Variants in C19orf44 observed in about 807,000 individuals in gnomAD.
C19orf44 encodes the protein chromosome 19 open reading frame 44, also known as uncharacterized protein C19orf44.
Under a neutral mutation model 50.7 loss-of-function variants are expected in C19orf44, and 43 were observed. The observed-to-expected ratio is 0.85, with a 90% CI of 0.66 to 1.09. The LOEUF is 1.09. C19orf44 is among the 50% of genes least tolerant of loss of function. The pLI is 0.00. For synonymous variants in C19orf44, 298 were observed against 334.7 expected, an observed-to-expected ratio of 0.89 and a Z score of 1.20; for missense variants, 722 against 836.2, an observed-to-expected ratio of 0.86 and a Z score of 1.68.
chr19:16,517,481 A>G, intron 8 of C19orf44, 140 bp downstream of exon 8: 2 of 658,834 alleles, frequency 3.0e-6, no homozygotes, highest in South Asian at 3.8e-5. Flanking sequence ...TCCAGGTGTG[A>G]CATTCCATGG....
At chr19:16,511,531 TG>T (rs1327925841) in intron 5 of C19orf44, among the ~76,000 whole-genome samples, 2 of 152,282 alleles carry the variant, frequency 1.3e-5, no homozygotes, top group Non-Finnish European at 2.9e-5. Context: ...CGGCTCTTGC[TG>T]GTGGAAAGGC....
In C19orf44 at chr19:16,501,212, C is replaced by G; in HGVS notation, c.420C>G (p.Leu140=). 1 of 1,614,092 alleles carries G rather than the reference C, an allele frequency of 6.2e-7. No homozygotes were observed. Among genetic ancestry groups the G allele is most frequent in the Non-Finnish European group, 8.5e-7 (1 of 1,179,996 alleles). Residue 140 remains leucine, a synonymous_variant, in exon 2 of 9, where the codon CTC becomes CTG. Coordinates refer to ENST00000221671, the MANE Select transcript of C19orf44 (RefSeq NM_032207.4). ...RADRILSGGA[L]ELASQNTDKT... is the part of the protein sequence containing the mutation. ...ACAGAATCCTCTCTGGGGGTGCACTCGAACTCGCGTCCCAGAACACAGACA... is the reference window on the plus strand; with the variant it reads ...ACAGAATCCTCTCTGGGGGTGCACTGGAACTCGCGTCCCAGAACACAGACA...
At position 16,503,339 on chromosome 19, in the gene C19orf44, TG is replaced by T. The variant is rs755744269; in HGVS notation, c.1036del (p.Asp346ThrfsTer17). ...SSPGRSEAET[V>X]DEPVSEGADD... ...CCGGGAAGGAGTGAGGCTGAGACTG[TG>T]GACGAGCCAGTCTCAGAAGGTGCTG... On this transcript the variant is annotated frameshift_variant, in exon 3 of 9. Coordinates refer to ENST00000221671, the MANE Select transcript of C19orf44 (RefSeq NM_032207.4). LOFTEE classifies it high-confidence loss of function. The T allele has an allele frequency of 6.3e-7, 1 of 1,595,434 alleles. No individual in the cohort carries two copies. Among genetic ancestry groups the T allele is most frequent in the East Asian group, 2.3e-5 (1 of 43,842 alleles).
chr19:16,500,705 G>C, intron 1 of C19orf44, 87 bp from the exon 2 acceptor site: 1 of 1,328,510 alleles, frequency 7.5e-7, no homozygotes, highest in Non-Finnish European at 1.0e-6. Context: ...GCAAAAGACA[G>C]TGTGAGCTTT....
Position 16,521,226 on chromosome 19 carries a change from G to C in C19orf44, c.*1173G>C. 1.7e-6 allele frequency: 1 copy of C among 574,048 alleles called. No homozygotes were observed. The allele number at this position is 574,048 out of a possible 1,614,324, so 35.6% of individuals were successfully genotyped here. ...ACAGGCCTGCAGCCCAGCACAGGAA[G>C]GAGGGGTGACCACTGGGAAGGGTGG... is the stretch of plus-strand genomic sequence containing the variant. On this transcript the variant is annotated 3_prime_UTR_variant, in exon 9 of 9. Transcript: ENST00000221671.
chr19:16,506,804 C>T (rs748363392), intron 4 of C19orf44, 30 bp downstream of exon 4: 10 of 1,503,164 alleles, frequency 6.7e-6, no homozygotes, highest in African/African-American at 1.4e-5. Context: ...TTTTCATGGT[C>T]GATTGTTTTT....
In C19orf44 at chr19:16,503,137, C is replaced by T. The variant is rs1471914034; in HGVS notation, c.832C>T (p.His278Tyr). Residue 278 changes from histidine to tyrosine, a missense_variant, in exon 3 of 9, where the codon CAC (histidine) becomes TAC (tyrosine). His to Tyr is a moderately conservative substitution (Grantham distance 83, BLOSUM62 2). Transcript: ENST00000221671. ...LSSAKPSQTS[H>Y]LPTSLAADRT... ...CAGCGCAAAGCCTTCTCAGACATCACACCTGCCAACCTCCCTGGCAGCAGA... is the reference window on the plus strand; with the variant it reads ...CAGCGCAAAGCCTTCTCAGACATCATACCTGCCAACCTCCCTGGCAGCAGA... The T allele has an allele frequency of 1.2e-6, 2 of 1,614,200 alleles. No homozygotes were observed. The highest frequency in any genetic ancestry group is 8.5e-7 in the Non-Finnish European group (1 of 1,180,044).
Position 16,520,705 on chromosome 19 carries a change from A to C in C19orf44, c.*652A>C. 1 of 1,193,460 alleles carries C rather than the reference A, an allele frequency of 8.4e-7. No individual in the cohort carries two copies. The highest frequency in any genetic ancestry group is 1.2e-6 in the Non-Finnish European group (1 of 814,692). The allele number at this position is 1,193,460 out of a possible 1,614,324, so 73.9% of individuals were successfully genotyped here. A position where few individuals can be genotyped will look rare whatever the true frequency, so the allele number is the denominator to read the frequency against. Reference sequence around the variant, plus strand: ...TGTGAATTCAGGCCTTGTGGAAAACACCGCCCCATAGGCACAGGCTGTGTG... The same window carrying C: ...TGTGAATTCAGGCCTTGTGGAAAACCCCGCCCCATAGGCACAGGCTGTGTG... On this transcript the variant is annotated 3_prime_UTR_variant, in exon 9 of 9. Coordinates refer to ENST00000221671, the MANE Select transcript of C19orf44 (RefSeq NM_032207.4). The surrounding 1 kb of genome is among the most constrained non-coding windows in gnomAD (Gnocchi z 4.0).
rs147207493 is a variant in C19orf44 at position 16,513,259 on chromosome 19, G to T, written c.1735+150G>T. ...GGGATTATTGCAGCCACAGGCACCT[G>T]CCATGAGGAGAGAAAAGGTGTGGAT... On this transcript the variant is annotated intron_variant, in intron 6 of 8. Coordinates refer to ENST00000221671, the MANE Select transcript of C19orf44 (RefSeq NM_032207.4). 310 of 721,182 alleles carry T rather than the reference G, an allele frequency of 4.3e-4. 2 individuals carry two copies. In the African/African-American group the frequency reaches 4.9e-3, roughly 11 times the overall value. The allele number at this position is 721,182 out of a possible 1,614,324, so 44.7% of individuals were successfully genotyped here.
At chr19:16,511,042 C>CT (rs749354519) in intron 5 of C19orf44, among the ~76,000 whole-genome samples, 5,200 of 145,802 alleles carry the variant, frequency 0.036, 195 homozygotes, top group Admixed American at 0.086. Context: ...GGCCCTGTAT[C>CT]TTTTTTTTTT....
At chr19:16,518,775 C>A in intron 8 of C19orf44, 1 of 239,676 alleles carries the variant, frequency 4.2e-6, no homozygotes, top group South Asian at 5.0e-5. Flanking sequence ...TCAGGCCAAC[C>A]CTTCCTGCAC....
rs1462566557 is a variant in C19orf44, at chr19:16,520,552, G to A, written c.*499G>A. ...GATCAGGTGCCCCAGTGGATGGGCT[G>A]CACCCAGCCCACCCTGGCCCTCAGG... is the stretch of plus-strand genomic sequence containing the variant. On this transcript the variant is annotated 3_prime_UTR_variant, in exon 9 of 9. Transcript: ENST00000221671. The surrounding 1 kb of genome is among the most constrained non-coding windows in gnomAD (Gnocchi z 4.0). 1 of 1,583,996 alleles carries A rather than the reference G, an allele frequency of 6.3e-7. No individual in the cohort carries two copies.
At position 16,520,555 on chromosome 19, in the gene C19orf44, C is replaced by G. The variant is rs2085602355; in HGVS notation, c.*502C>G. 1.3e-6 allele frequency: 2 copies of G among 1,574,462 alleles called. No individual in the cohort carries two copies. The highest frequency in any genetic ancestry group is 4.5e-5 in the East Asian group (2 of 44,606). On this transcript the variant is annotated 3_prime_UTR_variant, in exon 9 of 9. Coordinates refer to ENST00000221671, the MANE Select transcript of C19orf44 (RefSeq NM_032207.4). The surrounding 1 kb of genome is among the most constrained non-coding windows in gnomAD (Gnocchi z 4.0). ...CAGGTGCCCCAGTGGATGGGCTGCACCCAGCCCACCCTGGCCCTCAGGTTC... is the reference window on the plus strand; with the variant it reads ...CAGGTGCCCCAGTGGATGGGCTGCAGCCAGCCCACCCTGGCCCTCAGGTTC...
chr19:16,503,755 A>G (rs1047667082), intron 3 of C19orf44, among the ~76,000 whole-genome samples: 4 of 152,020 alleles, frequency 2.6e-5, no homozygotes, highest in African/African-American at 9.7e-5. Context: ...TGTGGAGACC[A>G]GGTTTCACCA....
chr19:16,513,334 CAA>C (rs1215605408), intron 6 of C19orf44, among the ~76,000 whole-genome samples: 1 of 152,152 alleles, frequency 6.6e-6, no homozygotes, highest in Non-Finnish European at 1.5e-5. Flanking sequence ...TCACACAAAA[CAA>C]GAGGGTGAAG....
At chr19:16,511,988 C>T (rs1365014743) in intron 5 of C19orf44, among the ~76,000 whole-genome samples, 1 of 139,306 alleles carries the variant, frequency 7.2e-6, no homozygotes, top group African/African-American at 2.7e-5. Context: ...GCACCCCAGC[C>T]TGGGCGACAG....
chr19:16,519,108 G>A lies in C19orf44; in HGVS notation c.*41-986G>A. 1 of 1,522,394 alleles carries A rather than the reference G, an allele frequency of 6.6e-7. No individual in the cohort carries two copies. Among genetic ancestry groups the A allele is most frequent in the Non-Finnish European group, 9.0e-7 (1 of 1,115,986 alleles). 94.3% of individuals were successfully genotyped at this position (1,522,394 alleles called of 1,614,324 possible). A position where few individuals can be genotyped will look rare whatever the true frequency, so the allele number is the denominator to read the frequency against. The stretch of plus-strand genomic sequence containing the variant: ...TCTTCCTCTGCCAGTCAGCCAGGAA[G>A]GTCCCACAGCCGGCACCGCTGGCCA... On this transcript the variant is annotated intron_variant, in intron 8 of 8. Transcript: ENST00000221671. The surrounding 1 kb of genome is among the most constrained non-coding windows in gnomAD (Gnocchi z 6.0).
At chr19:16,517,620 G>C (rs541118000) in intron 8 of C19orf44, among the ~76,000 whole-genome samples, 1 of 152,356 alleles carries the variant, frequency 6.6e-6, no homozygotes, top group Non-Finnish European at 1.5e-5. Flanking sequence ...TTTCAGTGGA[G>C]CTGTCCCCAC....
chr19:16,520,467 G>A lies in C19orf44; in HGVS notation c.*414G>A, dbSNP rs776056169. 1.2e-5 allele frequency: 19 copies of A among 1,613,938 alleles called. No homozygotes were observed. The highest frequency in any genetic ancestry group is 1.4e-5 in the Non-Finnish European group (17 of 1,180,006). ...CTTGAGTTGGAGCGGGAGGAAGAAC[G>A]CCCTCGACTCTTGGATCTGCTCCGA... is the stretch of plus-strand genomic sequence containing the variant. On this transcript the variant is annotated 3_prime_UTR_variant, in exon 9 of 9. Transcript: ENST00000221671. The surrounding 1 kb of genome is among the most constrained non-coding windows in gnomAD (Gnocchi z 4.0).
Sources: gnomAD v4.1 joint callset for allele counts (sites outside exome capture counted in the v4.1 genomes callset) on GRCh38, gnomAD v4.1.1 for gene constraint, Gnocchi (gnomAD v3.1) non-coding constraint, MANE v1.5 for transcripts, NCBI Gene and HGNC (gene_info 2026-07-23, HGNC 2026-07-21) for gene names.